The following ODAD2 variants were observed in gnomAD, a reference collection of about 807,000 sequenced individuals.
The protein encoded by ODAD2 is outer dynein arm docking complex subunit 2.
A neutral mutation model predicts 106.8 loss-of-function variants in ODAD2; 89 were observed. The ratio of observed to expected loss-of-function variants is 0.83; its 90% CI spans 0.70 to 0.99. The LOEUF (loss-of-function observed/expected upper bound fraction) is 0.99, where lower values mean the gene tolerates loss of function less well. Ranked by LOEUF, ODAD2 falls within the 50% of genes least tolerant of loss-of-function variation. The pLI, the probability that ODAD2 is intolerant of heterozygous loss-of-function variation, is 0.00. For missense variants in ODAD2, 1,168 were observed against 1,238.5 expected (o/e 0.94, Z 0.85); for synonymous variants, 404 against 436.2 (o/e 0.93, Z 0.92).
Position 27,860,643 on chromosome 10 carries a change from A to G in ODAD2, c.3003T>C (p.His1001=), listed in dbSNP as rs769841821. Residue 1001 remains histidine, a synonymous_variant, in exon 19 of 20, where the codon CAT becomes CAC. Coordinates refer to ENST00000305242, the MANE Select transcript of ODAD2 (RefSeq NM_018076.5). ...ACTGTACCTTTACTGCACCATTCTC[A>G]TGCATGGTGATGCAGTTATCGGCGT... ...SEDADNCITM[H]ENGAVKLLLD... is the part of the protein sequence containing the mutation. 1 of 1,612,442 alleles carries G rather than the reference A, an allele frequency of 6.2e-7. No individual in the cohort carries two copies. The highest frequency in any genetic ancestry group is 8.5e-7 in the Non-Finnish European group (1 of 1,178,578).
At chr10:27,998,602 G>T (rs1850697439) in intron 1 of ODAD2, among the ~76,000 whole-genome samples, 1 of 151,942 alleles carries the variant, frequency 6.6e-6, no homozygotes, top group Non-Finnish European at 1.5e-5. Context: ...CTAGGGCCGA[G>T]GCAGGGTCTC....
chr10:27,963,129 T>C (rs1848250841), intron 9 of ODAD2, among the ~76,000 whole-genome samples: 1 of 152,004 alleles, frequency 6.6e-6, no homozygotes, highest in African/African-American at 2.4e-5. Context: ...TGCCTCAGCC[T>C]CCTGAGTAGC....
At chr10:27,990,163 T>A (rs1376059524) in intron 2 of ODAD2, among the ~76,000 whole-genome samples, 1 of 152,068 alleles carries the variant, frequency 6.6e-6, no homozygotes, top group Non-Finnish European at 1.5e-5. Flanking sequence ...CTTTTTTTTT[T>A]AAGAGACAAG....
At chr10:27,871,405 G>C (rs1564449279) in intron 17 of ODAD2, among the ~76,000 whole-genome samples, 1 of 152,162 alleles carries the variant, frequency 6.6e-6, no homozygotes, top group South Asian at 2.1e-4. Flanking sequence ...ATTGCTTTTG[G>C]TGTTTTAGAC....
rs753341990 is a variant in ODAD2, at chr10:27,944,932, A to G, written c.1417T>C (p.Leu473=). The G allele has an allele frequency of 6.2e-7, 1 of 1,614,160 alleles. No individual in the cohort carries two copies. The highest frequency in any genetic ancestry group is 8.5e-7 in the Non-Finnish European group (1 of 1,179,988). ...GGNQTATVIA[L]CSMRDFSLAQ... ...AAGCTGAAATCCCTCATTGAACACAACGCAATCACTGTAGCTGTTTGATTT... is the reference window on the plus strand; with the variant it reads ...AAGCTGAAATCCCTCATTGAACACAGCGCAATCACTGTAGCTGTTTGATTT... Residue 473 remains leucine, a synonymous_variant, in exon 11 of 20, where the codon TTG becomes CTG. Transcript: ENST00000305242.
chr10:27,897,215 C>T (rs1313902673), intron 17 of ODAD2, among the ~76,000 whole-genome samples: 1 of 152,034 alleles, frequency 6.6e-6, no homozygotes, highest in Non-Finnish European at 1.5e-5. Context: ...TCTCCTCTCA[C>T]TCCAGTCCTT....
intron 1 of ODAD2, 135 bp from the exon 2 acceptor site, chr10:27,995,315 A>G: frequency 1.0e-6 from 1 of 994,874 alleles, no homozygotes; most frequent in South Asian, 1.9e-5. Context: ...TTTTAACATT[A>G]TCTAATTGCT....
chr10:27,886,185 C>T (rs958266439), intron 17 of ODAD2, among the ~76,000 whole-genome samples: 4 of 150,268 alleles, frequency 2.7e-5, no homozygotes, highest in African/African-American at 7.3e-5. Flanking sequence ...TCAAACAATT[C>T]GAAGTAGGAC....
chr10:27,976,514 T>C (rs1849198388), intron 7 of ODAD2, among the ~76,000 whole-genome samples: 1 of 152,048 alleles, frequency 6.6e-6, no homozygotes, highest in Admixed American at 6.6e-5. Flanking sequence ...AGCCCCAAAA[T>C]ATGAAACACA....
At chr10:27,900,248 C>G (rs2133795651) in intron 17 of ODAD2, among the ~76,000 whole-genome samples, 1 of 152,256 alleles carries the variant, frequency 6.6e-6, no homozygotes, top group Non-Finnish European at 1.5e-5. Flanking sequence ...GGAAAACTAA[C>G]AAACAGAAAG....
intron 19 of ODAD2, 34 bp from the exon 20 acceptor site, chr10:27,812,659 A>G: frequency 6.5e-7 from 1 of 1,544,226 alleles, no homozygotes; most frequent in East Asian, 2.4e-5. Flanking sequence ...AAGGGACACA[A>G]GAATAAAAAC....
intron 8 of ODAD2, among the ~76,000 whole-genome samples, chr10:27,969,547 T>C (rs1848697396): frequency 2.0e-5 from 3 of 152,262 alleles, no homozygotes; most frequent in South Asian, 2.1e-4. Flanking sequence ...CATTTTCACA[T>C]TGACTCTTTC....
At chr10:27,866,787 T>C (rs963764817) in intron 17 of ODAD2, among the ~76,000 whole-genome samples, 2 of 152,028 alleles carry the variant, frequency 1.3e-5, no homozygotes, top group African/African-American at 4.8e-5. Flanking sequence ...AACTCACTCA[T>C]TACAAAGCTG....
intron 19 of ODAD2, 94 bp downstream of exon 19, chr10:27,860,531 A>G: frequency 2.5e-6 from 3 of 1,190,714 alleles, no homozygotes; most frequent in Non-Finnish European, 3.6e-6. Flanking sequence ...GTGTCTCTGA[A>G]TACCTCCTTT....
At chr10:27,964,285 T>C (rs970619529) in intron 9 of ODAD2, among the ~76,000 whole-genome samples, 1 of 152,104 alleles carries the variant, frequency 6.6e-6, no homozygotes, top group African/African-American at 2.4e-5. Context: ...CTAAAACACA[T>C]AGTTGTAATG....
At chr10:27,967,734 TA>T (rs1424850091) in intron 9 of ODAD2, among the ~76,000 whole-genome samples, 1 of 151,488 alleles carries the variant, frequency 6.6e-6, no homozygotes. Flanking sequence ...CTACTAAAAA[TA>T]AAAAAATTAG....
intron 1 of ODAD2, chr10:27,997,479 T>C (rs934835134): frequency 6.6e-6 from 1 of 152,238 alleles, no homozygotes; most frequent in African/African-American, 2.4e-5. Flanking sequence ...AACGCTATGG[T>C]AGTCAACATA....
intron 19 of ODAD2, among the ~76,000 whole-genome samples, chr10:27,849,509 T>C (rs7475103): frequency 0.64 from 96,997 of 151,566 alleles, 31,283 homozygotes; most frequent in Middle Eastern, 0.72. Flanking sequence ...AGGTAAAAAA[T>C]CTGCACATTG....
At chr10:27,958,396 G>C (rs560556615) in intron 10 of ODAD2, among the ~76,000 whole-genome samples, 34 of 152,260 alleles carry the variant, frequency 2.2e-4, no homozygotes, top group African/African-American at 7.7e-4. Flanking sequence ...TTCACTGGGA[G>C]GATATTATTG....
Sources: allele counts gnomAD v4.1 joint callset (sites outside exome capture counted in the v4.1 genomes callset), GRCh38; gene constraint gnomAD v4.1.1; transcripts MANE v1.5; gene names NCBI Gene and HGNC (gene_info 2026-07-23, HGNC 2026-07-21).